Variants in ATP8B4 observed in about 807,000 individuals in gnomAD.
ATP8B4 encodes probable phospholipid-transporting ATPase IM.
Under a neutral mutation model 145.6 loss-of-function variants are expected in ATP8B4, and 133 were observed. That is an observed-to-expected ratio of 0.91 (90% CI 0.79 to 1.05). The LOEUF (loss-of-function observed/expected upper bound fraction) is 1.05, where lower values mean the gene tolerates loss of function less well. Among genes scored for constraint, ATP8B4 ranks in the 50% least tolerant of loss-of-function variants. The pLI, the probability that ATP8B4 is intolerant of heterozygous loss-of-function variation, is 0.00. For synonymous variants in ATP8B4, 507 were observed against 492.9 expected, an observed-to-expected ratio of 1.03 and a Z score of -0.38; for missense variants, 1,458 against 1,425.2, an observed-to-expected ratio of 1.02 and a Z score of -0.37.
At position 50,047,385 on chromosome 15, in the gene ATP8B4, G is replaced by T; in HGVS notation, c.167C>A (p.Ala56Glu). 6.3e-7 allele frequency: 1 copy of T among 1,593,242 alleles called. No individual in the cohort carries two copies. The highest frequency in any genetic ancestry group is 8.6e-7 in the Non-Finnish European group (1 of 1,161,242). Residue 56 changes from alanine (A) to glutamate (E), a missense_variant, in exon 4 of 28, where the codon GCA (alanine) becomes GAA (glutamate). By Grantham distance (107) the Ala-to-Glu change is moderately radical. Transcript: ENST00000284509. ...CAGAAGGCAAAGAAAATAGGCATTT[G>T]CCACTCTTTGGAACTGTTCAAATAA... is the stretch of plus-strand genomic sequence containing the variant. ...INLFEQFQRV[A>E]NAYFLCLLIL...
intron 1 of ATP8B4, among the ~76,000 whole-genome samples, chr15:50,143,392 T>C (rs375261920): frequency 2.7e-4 from 41 of 152,356 alleles, no homozygotes; most frequent in African/African-American, 9.6e-4. Context: ...TGGTGCTGAC[T>C]GTTGAGTAAA....
chr15:49,923,773 A>C (rs1456027886), intron 16 of ATP8B4, among the ~76,000 whole-genome samples: 1 of 152,164 alleles, frequency 6.6e-6, no homozygotes, highest in Non-Finnish European at 1.5e-5. Flanking sequence ...TTCCTTGCTT[A>C]CTATTTCTGA....
At chr15:50,172,191 G>A (rs372983053) in intron 1 of ATP8B4, among the ~76,000 whole-genome samples, 49 of 152,258 alleles carry the variant, frequency 3.2e-4, no homozygotes, top group African/African-American at 1.1e-3. Context: ...CTCTGATGCC[G>A]AGCGGAGGCT....
rs555673561 is a variant in ATP8B4 at position 49,932,775 on chromosome 15, G to A, written c.1453+1242C>T. Among the ~76,000 whole-genome samples, 8 of 152,124 alleles carry A rather than the reference G, an allele frequency of 5.3e-5. No individual in the cohort carries two copies. The South Asian group carries it at 1.7e-3, about 32-fold the overall frequency. On this transcript the variant is annotated intron_variant, in intron 15 of 27. Coordinates refer to ENST00000284509, the MANE Select transcript of ATP8B4 (RefSeq NM_024837.4). ...AGCCCAGTACCTGTCTAAGGTGAGA[G>A]TCCAGTGAAAGATGGCCTCTCAAAA...
At chr15:50,119,710 T>C (rs1302963990), upstream of ATP8B4, among the ~76,000 whole-genome samples, 1 of 150,764 alleles carries the variant, frequency 6.6e-6, no homozygotes, top group African/African-American at 2.4e-5. Context: ...AGTTCCCACC[T>C]GCTTTTGCAG....
At chr15:49,871,185 G>T (rs2033613216) in intron 25 of ATP8B4, among the ~76,000 whole-genome samples, 1 of 152,150 alleles carries the variant, frequency 6.6e-6, no homozygotes, top group African/African-American at 2.4e-5. Context: ...TTTTCTCAAT[G>T]GTGGTAATAG....
intron 1 of ATP8B4, among the ~76,000 whole-genome samples, chr15:50,127,542 C>T (rs964034858): frequency 6.6e-6 from 1 of 152,156 alleles, no homozygotes; most frequent in African/African-American, 2.4e-5. Context: ...GGATCAGAGA[C>T]CAGGCAAAGA....
intron 1 of ATP8B4, among the ~76,000 whole-genome samples, chr15:50,127,038 A>G (rs1039157428): frequency 1.3e-5 from 2 of 152,160 alleles, no homozygotes; most frequent in African/African-American, 4.8e-5. Context: ...GCTGACCCCA[A>G]GTTTTTAAAC....
chr15:49,967,327 C>A (rs28866824), intron 13 of ATP8B4, among the ~76,000 whole-genome samples: 1 of 152,082 alleles, frequency 6.6e-6, no homozygotes, highest in Non-Finnish European at 1.5e-5. Flanking sequence ...CTCCTCCCAG[C>A]TAAAGGAACA....
intron 21 of ATP8B4, 60 bp downstream of exon 21, chr15:49,901,032 C>A: frequency 2.6e-6 from 4 of 1,567,674 alleles, no homozygotes; most frequent in African/African-American, 1.4e-5. Flanking sequence ...TATGATAGCA[C>A]AAAAGAGATG....
At chr15:50,102,317 A>G (rs1399214098) in intron 2 of ATP8B4, among the ~76,000 whole-genome samples, 1 of 152,130 alleles carries the variant, frequency 6.6e-6, no homozygotes, top group Non-Finnish European at 1.5e-5. Context: ...TGAATCTTTG[A>G]AAAGGTAAAT....
At chr15:49,950,983 A>C (rs1398042596) in intron 14 of ATP8B4, among the ~76,000 whole-genome samples, 1 of 152,168 alleles carries the variant, frequency 6.6e-6, no homozygotes, top group Non-Finnish European at 1.5e-5. Flanking sequence ...CAGGTTGTTT[A>C]ATTTCCATGA....
rs141376523 is a variant in ATP8B4, at chr15:49,967,497, C to T, written c.1243+5085G>A. ...CATACACAGGAATCAATAGCTGAATCGATCAAGTGGAAGAAAGGATATCAG... is the reference window on the plus strand; with the variant it reads ...CATACACAGGAATCAATAGCTGAATTGATCAAGTGGAAGAAAGGATATCAG... On this transcript the variant is annotated intron_variant, in intron 13 of 27. Transcript: ENST00000284509. Among the ~76,000 whole-genome samples, 12 of 151,984 alleles carry T rather than the reference C, an allele frequency of 7.9e-5. No homozygotes were observed. The East Asian group carries it at 1.4e-3, about 17-fold the overall frequency.
At chr15:49,994,483 T>A (rs1000228936) in intron 9 of ATP8B4, among the ~76,000 whole-genome samples, 1 of 152,164 alleles carries the variant, frequency 6.6e-6, no homozygotes, top group African/African-American at 2.4e-5. Flanking sequence ...CTAGACGTTG[T>A]TCTAGAAGCT....
intron 2 of ATP8B4, among the ~76,000 whole-genome samples, chr15:50,088,623 C>A (rs550190802): frequency 6.6e-6 from 1 of 152,300 alleles, no homozygotes; most frequent in South Asian, 2.1e-4. Flanking sequence ...AACTGCAGCA[C>A]ACTCCCACCC....
At chr15:49,935,179 T>G (rs2041630954) in intron 14 of ATP8B4, among the ~76,000 whole-genome samples, 1 of 152,080 alleles carries the variant, frequency 6.6e-6, no homozygotes, top group African/African-American at 2.4e-5. Flanking sequence ...ATTCTAAAAT[T>G]AATAATACTG....
chr15:49,965,347 G>A (rs2044429107), intron 13 of ATP8B4, among the ~76,000 whole-genome samples: 1 of 152,162 alleles, frequency 6.6e-6, no homozygotes, highest in African/African-American at 2.4e-5. Context: ...AGGGGACAAA[G>A]GAAAAGTTTC....
intron 6 of ATP8B4, among the ~76,000 whole-genome samples, chr15:50,037,794 GT>G (rs2050950740): frequency 2.6e-5 from 4 of 152,144 alleles, no homozygotes; most frequent in Admixed American, 1.3e-4. Flanking sequence ...TTTCTTCACT[GT>G]CCTTTTTACA....
chr15:50,133,959 A>G (rs992698797), intron 1 of ATP8B4, among the ~76,000 whole-genome samples: 1 of 152,104 alleles, frequency 6.6e-6, no homozygotes, highest in Non-Finnish European at 1.5e-5. Flanking sequence ...CCATAGCAAG[A>G]CCCCACCTCT....
Sources: gnomAD v4.1 joint callset for allele counts (sites outside exome capture counted in the v4.1 genomes callset) on GRCh38, gnomAD v4.1.1 for gene constraint, MANE v1.5 for transcripts, NCBI Gene and HGNC (gene_info 2026-07-23, HGNC 2026-07-21) for gene names.